The following ERVK3-1 variants were observed in gnomAD, a reference collection of about 807,000 sequenced individuals.
ERVK3-1 encodes the protein HERV-K(HML6-1).
At position 58,310,750 on chromosome 19, in the gene ERVK3-1, C is replaced by A. The variant is rs200440956; in HGVS notation, c.-3-1416C>A. Reference sequence around the variant, plus strand: ...GGTTAGGCCTCCGGATAACTGTGGGCGAGCCTGACTAATGTCAGGCCCTCC... The same window carrying A: ...GGTTAGGCCTCCGGATAACTGTGGGAGAGCCTGACTAATGTCAGGCCCTCC... On this transcript the variant is annotated intron_variant, in intron 2 of 3. Transcript: ENST00000413518. The surrounding 1 kb of genome is among the most constrained non-coding windows in gnomAD (Gnocchi z 4.7). 5.1e-5 allele frequency: 12 copies of A among 237,418 alleles called. No individual in the cohort carries two copies. The highest frequency in any genetic ancestry group is 2.8e-4 in the African/African-American group (12 of 43,414). The allele number at this position is 237,418 out of a possible 1,614,324, so 14.7% of individuals were successfully genotyped here.
At chr19:58,314,649 AAG>A in intron 3 of ERVK3-1, 97 bp from the exon 4 acceptor site, 1 of 323,456 alleles carries the variant, frequency 3.1e-6, no homozygotes. Flanking sequence ...AAAAAAAAAA[AAG>A]CCTCAACCCT....
intron 2 of ERVK3-1, chr19:58,306,718 C>G (rs1011177490): frequency 6.6e-6 from 1 of 152,206 alleles, no homozygotes; most frequent in African/African-American, 2.4e-5. Flanking sequence ...AAAAATTCTA[C>G]ATGCTGTGGC....
intron 1 of ERVK3-1, among the ~76,000 whole-genome samples, chr19:58,305,772 A>G (rs1389660659): frequency 6.6e-6 from 1 of 152,188 alleles, no homozygotes; most frequent in Non-Finnish European, 1.5e-5. Context: ...GATGTTGGTA[A>G]ACTGACAAAC....
Position 58,312,534 on chromosome 19 carries a change from A to G in ERVK3-1, c.294+72A>G, listed in dbSNP as rs1350127300. 2.5e-6 allele frequency: 1 copy of G among 399,122 alleles called. No individual in the cohort carries two copies. Among genetic ancestry groups the G allele is most frequent in the East Asian group, 3.6e-5 (1 of 28,068 alleles). 24.7% of individuals were successfully genotyped at this position (399,122 alleles called of 1,614,324 possible). On this transcript the variant is annotated intron_variant, in intron 3 of 3. Coordinates refer to ENST00000413518, the Ensembl canonical transcript of ERVK3-1. This position sits in a 1 kb window ranked among gnomAD's most constrained non-coding sequence, Gnocchi z 4.7. ...CTAACCCACTGGTAGTACGACTGGT[A>G]CTCTGGAGCGACACTCCTCCTGAGA...
At chr19:58,314,944 T>C in exon 4 of ERVK3-1, 2 of 392,772 alleles carry the variant, frequency 5.1e-6, no homozygotes, top group Non-Finnish European at 9.0e-6. Flanking sequence ...GTTGGCGAAC[T>C]GACAAACTCT....
rs1186676193 is a variant in ERVK3-1, at chr19:58,313,987, C to T, written c.295-761C>T. Among the ~76,000 whole-genome samples the T allele has an allele frequency of 6.6e-6, 1 of 152,174 alleles. No homozygotes were observed. Among genetic ancestry groups the T allele is most frequent in the African/African-American group, 2.4e-5 (1 of 41,432 alleles). ...ATGTAGAAAATTGGACATGTACAGC[C>T]AACCAGGCATGGATGCTTCAAAATA... On this transcript the variant is annotated intron_variant, in intron 3 of 3. Transcript: ENST00000413518. This position sits in a 1 kb window ranked among gnomAD's most constrained non-coding sequence, Gnocchi z 4.5.
chr19:58,308,044 C>CTT (rs552650427), intron 2 of ERVK3-1, among the ~76,000 whole-genome samples: 73 of 152,312 alleles, frequency 4.8e-4, no homozygotes, highest in African/African-American at 1.7e-3. Flanking sequence ...ATTGTTGACT[C>CTT]TGATTATGAA....
rs1211140000 is a variant in ERVK3-1 at position 58,310,514 on chromosome 19, G to C, written c.-3-1652G>C. 1.3e-5 allele frequency: 2 copies of C among 156,514 alleles called. No homozygotes were observed. Among genetic ancestry groups the C allele is most frequent in the African/African-American group, 4.8e-5 (2 of 41,528 alleles). 9.7% of individuals were successfully genotyped at this position (156,514 alleles called of 1,614,324 possible). ...GGTCACGTGGGTCATGTGTCCACTGGTCAGGGGGCCCTTCCCTGCCTGGCA... is the reference window on the plus strand; with the variant it reads ...GGTCACGTGGGTCATGTGTCCACTGCTCAGGGGGCCCTTCCCTGCCTGGCA... On this transcript the variant is annotated intron_variant, in intron 2 of 3. Coordinates refer to ENST00000413518, the Ensembl canonical transcript of ERVK3-1. This position sits in a 1 kb window ranked among gnomAD's most constrained non-coding sequence, Gnocchi z 4.7.
In ERVK3-1 at chr19:58,312,308, A is replaced by G. The variant is rs746294406; in HGVS notation, c.140A>G (p.Gln47Arg). 4 of 400,070 alleles carry G rather than the reference A, an allele frequency of 1.0e-5. No homozygotes were observed. The highest frequency in any genetic ancestry group is 2.1e-5 in the African/African-American group (1 of 48,624). The allele number at this position is 400,070 out of a possible 1,614,324, so 24.8% of individuals were successfully genotyped here. A position where few individuals can be genotyped will look rare whatever the true frequency, so the allele number is the denominator to read the frequency against. ...CGGAATCTGAATGCAAAGACAGAAC[A>G]AGGGCCGACCGGAGTCACAATGACA... The change falls in exon 3 of 4, where the codon CAA becomes CGA. Residue 47 changes from glutamine to arginine, a missense_variant. By Grantham distance (43) the Gln-to-Arg change is conservative. Coordinates refer to ENST00000413518, the Ensembl canonical transcript of ERVK3-1. The surrounding 1 kb of genome is among the most constrained non-coding windows in gnomAD (Gnocchi z 4.7).
In ERVK3-1 at chr19:58,310,862, G is replaced by A. The variant is rs149305094; in HGVS notation, c.-3-1304G>A. 2.4e-4 allele frequency: 97 copies of A among 405,246 alleles called. 1 individual carries two copies. Among genetic ancestry groups the A allele is most frequent in the Middle Eastern group, 7.9e-4 (1 of 1,260 alleles). 25.1% of individuals were successfully genotyped at this position (405,246 alleles called of 1,614,324 possible). A position where few individuals can be genotyped will look rare whatever the true frequency, so the allele number is the denominator to read the frequency against. On this transcript the variant is annotated intron_variant, in intron 2 of 3. Coordinates refer to ENST00000413518, the Ensembl canonical transcript of ERVK3-1. This position sits in a 1 kb window ranked among gnomAD's most constrained non-coding sequence, Gnocchi z 4.7. ...ACCCTTTCCCGGTCTGCTAAGTAGC[G>A]GGTGTTGTTCCTTGACACTTTTCGC...
At chr19:58,314,392 C>T (rs969940249) in intron 3 of ERVK3-1, among the ~76,000 whole-genome samples, 9 of 151,700 alleles carry the variant, frequency 5.9e-5, no homozygotes, top group East Asian at 1.9e-4. Context: ...TTTGGGAGGC[C>T]GAGGCAGGCA....
chr19:58,305,541 G>A (rs1438765506), intron 1 of ERVK3-1, 96 bp downstream of exon 1: 2 of 152,488 alleles, frequency 1.3e-5, no homozygotes, highest in Non-Finnish European at 2.9e-5. Flanking sequence ...ATGAGTGGAC[G>A]GGTGGGACCT....
chr19:58,307,342 A>G (rs781397708), intron 2 of ERVK3-1, among the ~76,000 whole-genome samples: 7 of 152,224 alleles, frequency 4.6e-5, no homozygotes, highest in Admixed American at 1.3e-4. Context: ...GAAAATGCAA[A>G]TGCAGATTGT....
chr19:58,308,162 T>C (rs2051536320), intron 2 of ERVK3-1, among the ~76,000 whole-genome samples: 1 of 152,220 alleles, frequency 6.6e-6, no homozygotes, highest in Admixed American at 6.5e-5. Context: ...TACACCCTTC[T>C]TCACGAAAGG....
chr19:58,312,741 T>G lies in ERVK3-1; in HGVS notation c.294+279T>G, dbSNP rs908323800. Among the ~76,000 whole-genome samples the G allele has an allele frequency of 6.6e-6, 1 of 152,194 alleles. No homozygotes were observed. The stretch of plus-strand genomic sequence containing the variant: ...TGGTTAAGTCACCATGGAAAAATTA[T>G]GTATTTATTAGGCCTCAGCTTTATT... On this transcript the variant is annotated intron_variant, in intron 3 of 3. Coordinates refer to ENST00000413518, the Ensembl canonical transcript of ERVK3-1. This position sits in a 1 kb window ranked among gnomAD's most constrained non-coding sequence, Gnocchi z 4.7.
At chr19:58,314,950 ACT>A (rs1387719232) in exon 4 of ERVK3-1, 2 of 391,800 alleles carry the variant, frequency 5.1e-6, no homozygotes, top group Non-Finnish European at 9.0e-6. Flanking sequence ...GAACTGACAA[ACT>A]CTGTCTGCCG....
chr19:58,315,244 T>G (rs543809970), exon 4 of ERVK3-1: 4 of 153,214 alleles, frequency 2.6e-5, no homozygotes, highest in Admixed American at 2.0e-4. Context: ...TCGTCCTTCG[T>G]TCGGTCCAGA....
At chr19:58,316,250 C>T (rs1227989354), downstream of ERVK3-1, among the ~76,000 whole-genome samples, 1 of 152,190 alleles carries the variant, frequency 6.6e-6, no homozygotes, top group Admixed American at 6.5e-5. Context: ...CCTCCCGTTG[C>T]CCCCTTCATC....
intron 2 of ERVK3-1, chr19:58,308,952 C>T (rs557407791): frequency 2.4e-4 from 36 of 152,356 alleles, no homozygotes; most frequent in African/African-American, 8.4e-4. Context: ...GGGTGCATTA[C>T]AGCAAGGTCT....
Sources: gnomAD v4.1 joint callset for allele counts (sites outside exome capture counted in the v4.1 genomes callset) on GRCh38, gnomAD v4.1.1 for gene constraint, Gnocchi (gnomAD v3.1) non-coding constraint, MANE v1.5 for transcripts, NCBI Gene and HGNC (gene_info 2026-07-23, HGNC 2026-07-21) for gene names.